The following MGAT5 variants were observed in gnomAD, a reference collection of about 807,000 sequenced individuals.
MGAT5 encodes the protein alpha-1,6-mannosylglycoprotein 6-beta-N-acetylglucosaminyltransferase A.
Under a neutral mutation model 94.3 loss-of-function variants are expected in MGAT5, and 30 were observed. That is an observed-to-expected ratio of 0.32 (90% confidence interval 0.24 to 0.43). The LOEUF (loss-of-function observed/expected upper bound fraction) is 0.43, where lower values mean the gene tolerates loss of function less well. Among genes scored for constraint, MGAT5 ranks in the 20% least tolerant of loss-of-function variants. The probability of loss-of-function intolerance (pLI) is 1.00; values close to 1 mark genes in which losing one functional copy is unlikely to be tolerated. For synonymous variants in MGAT5, 310 were observed against 322.9 expected, an observed-to-expected ratio of 0.96 and a Z score of 0.43; for missense variants, 691 against 905.5, an observed-to-expected ratio of 0.76 and a Z score of 3.04.
intron 4 of MGAT5, among the ~76,000 whole-genome samples, chr2:134,333,048 C>G (rs1182847824): frequency 1.3e-5 from 2 of 152,076 alleles, no homozygotes; most frequent in Non-Finnish European, 2.9e-5. Flanking sequence ...GGATCTAGAA[C>G]TAGAAATACC....
At chr2:134,238,488 T>C (rs2680731) in intron 1 of MGAT5, among the ~76,000 whole-genome samples, 122,273 of 152,232 alleles carry the variant, frequency 0.8, 49,373 homozygotes, top group Non-Finnish European at 0.84. Flanking sequence ...GCTTTCCCCA[T>C]CTCATCATGT....
chr2:134,248,904 A>C (rs180726086), intron 1 of MGAT5, among the ~76,000 whole-genome samples: 78 of 152,194 alleles, frequency 5.1e-4, no homozygotes, highest in Admixed American at 1.2e-3. Context: ...TTCTCACTCC[A>C]TTGGAACTGG....
chr2:134,239,043 G>A lies in MGAT5; in HGVS notation c.-142-15219G>A, dbSNP rs570990902. 1.7e-4 allele frequency among the ~76,000 whole-genome samples: 26 copies of A among 152,240 alleles called. No individual in the cohort carries two copies. In the South Asian group the frequency reaches 2.1e-3, roughly 12 times the overall value. On this transcript the variant is annotated intron_variant, in intron 1 of 16. Coordinates refer to the MGAT5 transcript ENST00000409645. ...AGACAGAGTCTTGCTCTGTCACCCA[G>A]GCTGGAGTGCAGTGGCGCCATCTCA...
chr2:134,439,416 G>T (rs1685349190), intron 14 of MGAT5, among the ~76,000 whole-genome samples: 1 of 152,204 alleles, frequency 6.6e-6, no homozygotes, highest in South Asian at 2.1e-4. Context: ...GTAACACAAG[G>T]CCGGGCGCGG....
chr2:134,263,862 T>G (rs546924221), intron 1 of MGAT5, among the ~76,000 whole-genome samples: 57 of 152,194 alleles, frequency 3.7e-4, no homozygotes, highest in Admixed American at 6.5e-4. Context: ...AAATACACTC[T>G]TTACCTCTAA....
At chr2:134,228,373 A>T (rs1257211) in intron 1 of MGAT5, among the ~76,000 whole-genome samples, 113,230 of 152,142 alleles carry the variant, frequency 0.74, 42,652 homozygotes, top group Non-Finnish European at 0.8. Context: ...AAATCCTTAT[A>T]TTTACTTTTG....
At chr2:134,231,904 A>G (rs1012844409) in intron 1 of MGAT5, among the ~76,000 whole-genome samples, 1 of 152,160 alleles carries the variant, frequency 6.6e-6, no homozygotes, top group Non-Finnish European at 1.5e-5. Flanking sequence ...GGAAGAAGGA[A>G]TTACCTCTCT....
At chr2:134,163,055 G>A (rs1406561755) in intron 1 of MGAT5, among the ~76,000 whole-genome samples, 1 of 152,188 alleles carries the variant, frequency 6.6e-6, no homozygotes, top group East Asian at 1.9e-4. Flanking sequence ...ACCAAGAAGT[G>A]TAAGACGTGC....
At chr2:134,121,859 C>G (rs939385444) in intron 1 of MGAT5, among the ~76,000 whole-genome samples, 1 of 152,152 alleles carries the variant, frequency 6.6e-6, no homozygotes, top group Non-Finnish European at 1.5e-5. Flanking sequence ...GACTCCCCAG[C>G]GTTAATCTCT....
chr2:134,342,719 T>A (rs1399086440), intron 7 of MGAT5, among the ~76,000 whole-genome samples: 5 of 138,780 alleles, frequency 3.6e-5, no homozygotes, highest in African/African-American at 1.1e-4. Flanking sequence ...GTCTCTGTCT[T>A]AAAAAAAAAA....
intron 1 of MGAT5, among the ~76,000 whole-genome samples, chr2:134,120,970 G>A (rs984334326): frequency 3.9e-5 from 6 of 152,060 alleles, no homozygotes; most frequent in Admixed American, 6.5e-5. Context: ...GCTGCAGGGA[G>A]CGCAGAGCCC....
At chr2:134,153,695 G>A (rs186285549) in intron 1 of MGAT5, among the ~76,000 whole-genome samples, 202 of 152,094 alleles carry the variant, frequency 1.3e-3, no homozygotes, top group African/African-American at 4.7e-3. Context: ...TTTCTGTATT[G>A]CCTGCTAGGC....
upstream of MGAT5, among the ~76,000 whole-genome samples, chr2:134,250,315 T>C (rs1488791746): frequency 6.6e-6 from 1 of 152,228 alleles, no homozygotes; most frequent in African/African-American, 2.4e-5. Flanking sequence ...ATCCACTGTA[T>C]AGTCCCACTG....
At chr2:134,378,617 C>CTTTTT (rs70973450) in intron 10 of MGAT5, among the ~76,000 whole-genome samples, 1 of 139,854 alleles carries the variant, frequency 7.2e-6, no homozygotes, top group Non-Finnish European at 1.5e-5. Context: ...ATCTGGATTA[C>CTTTTT]TTTTTTTTTT....
At chr2:134,281,178 A>G (rs1684670030) in intron 2 of MGAT5, among the ~76,000 whole-genome samples, 1 of 152,166 alleles carries the variant, frequency 6.6e-6, no homozygotes. Flanking sequence ...TGAGGATGCA[A>G]TGAGATGATG....
At chr2:134,130,612 G>A (rs1014452733) in intron 1 of MGAT5, among the ~76,000 whole-genome samples, 5 of 152,152 alleles carry the variant, frequency 3.3e-5, no homozygotes, top group African/African-American at 1.2e-4. Context: ...TGGGGACTTG[G>A]AGAACTTTTA....
rs1553458949 is a variant in MGAT5 at position 134,387,301 on chromosome 2, GATATATATATAT to G, written c.1381-15666_1381-15655del. On this transcript the variant is annotated intron_variant, in intron 10 of 15. Transcript: ENST00000281923. ...AAATAAAAAATAAAAAGTTATGTAT[GATATATATATAT>G]ATATATATATATATATATATTTTTT... Among the ~76,000 whole-genome samples the G allele has an allele frequency of 1.9e-3, 79 of 42,612 alleles. 5 individuals are homozygous for G. The highest frequency in any genetic ancestry group is 0.013 in the East Asian group (14 of 1,044). 28.0% of individuals were successfully genotyped at this position (42,612 alleles called of 152,430 possible). A position where few individuals can be genotyped will look rare whatever the true frequency, so the allele number is the denominator to read the frequency against.
chr2:134,119,954 CG>C (rs980269130), upstream of MGAT5: 7 of 151,980 alleles, frequency 4.6e-5, no homozygotes, highest in African/African-American at 1.7e-4. Flanking sequence ...AGCCCAGAAG[CG>C]GGGAGAAGTT....
At chr2:134,346,320 G>A (rs1410951661) in intron 8 of MGAT5, among the ~76,000 whole-genome samples, 4 of 152,148 alleles carry the variant, frequency 2.6e-5, no homozygotes, top group African/African-American at 9.7e-5. Context: ...CCGTTGATTG[G>A]TATTTGATTT....
Sources: gnomAD v4.1 joint callset for allele counts (sites outside exome capture counted in the v4.1 genomes callset) on GRCh38, gnomAD v4.1.1 for gene constraint, MANE v1.5 for transcripts, NCBI Gene and HGNC (gene_info 2026-07-23, HGNC 2026-07-21) for gene names.